SMYD3: variants seen among roughly 807,000 people sequenced by gnomAD.
The protein encoded by SMYD3 is histone-lysine N-methyltransferase SMYD3.
In SMYD3, 36 loss-of-function variants were observed where a neutral mutation model predicts 57.7. The observed-to-expected ratio is 0.62, with a 90% CI of 0.48 to 0.82. The LOEUF (loss-of-function observed/expected upper bound fraction) is 0.82, where lower values mean the gene tolerates loss of function less well. SMYD3 is among the 40% of genes least tolerant of loss of function. SMYD3 has a pLI of 0.00. For synonymous variants in SMYD3, 211 were observed against 195.0 expected (o/e 1.08, Z -0.68); for missense variants, 515 against 538.8 (o/e 0.96, Z 0.44).
chr1:246,090,522 C>CTT lies in SMYD3; in HGVS notation c.532-160587_532-160586dup, dbSNP rs539563212. Among the ~76,000 whole-genome samples, 143 of 142,794 alleles carry CTT rather than the reference C, an allele frequency of 1.0e-3. 2 individuals are homozygous for CTT. The highest frequency in any genetic ancestry group is 2.9e-3 in the African/African-American group (112 of 38,954). 93.7% of individuals were successfully genotyped at this position (142,794 alleles called of 152,430 possible). ...GAGAGCTGTTTTTCTTTCTCTCTCTCTTTTTTTTTTTTTTAGATGGAGTCT... is the reference window on the plus strand; with the variant it reads ...GAGAGCTGTTTTTCTTTCTCTCTCTCTTTTTTTTTTTTTTTTAGATGGAGTCT... On this transcript the variant is annotated intron_variant, in intron 5 of 11. Transcript: ENST00000490107.
chr1:245,963,572 G>A (rs1441082468), intron 5 of SMYD3, among the ~76,000 whole-genome samples: 1 of 151,610 alleles, frequency 6.6e-6, no homozygotes, highest in Non-Finnish European at 1.5e-5. Flanking sequence ...GCCTCGCAGT[G>A]AGTATCAGAG....
At chr1:246,331,437 A>G (rs541218694) in intron 3 of SMYD3, among the ~76,000 whole-genome samples, 1 of 152,354 alleles carries the variant, frequency 6.6e-6, no homozygotes, top group African/African-American at 2.4e-5. Flanking sequence ...AGGCAATGTA[A>G]CAGAGATTAC....
At chr1:245,955,965 T>C (rs747006316) in intron 5 of SMYD3, 1 of 985,304 alleles carries the variant, frequency 1.0e-6, no homozygotes, top group Non-Finnish European at 1.2e-6. Context: ...GACCTCTTGA[T>C]GTGTCTTCTA....
chr1:246,095,964 C>T (rs955182779), intron 5 of SMYD3, among the ~76,000 whole-genome samples: 6 of 152,220 alleles, frequency 3.9e-5, no homozygotes, highest in African/African-American at 1.4e-4. Context: ...ATTACTAAAA[C>T]TCCCTTGAAA....
At chr1:246,493,489 G>C (rs1280391917) in intron 1 of SMYD3, among the ~76,000 whole-genome samples, 1 of 152,106 alleles carries the variant, frequency 6.6e-6, no homozygotes, top group Non-Finnish European at 1.5e-5. Context: ...GTAAAAACTA[G>C]GCCAAAAAGG....
intron 5 of SMYD3, among the ~76,000 whole-genome samples, chr1:246,025,423 T>G (rs1203470010): frequency 6.6e-6 from 1 of 152,188 alleles, no homozygotes; most frequent in South Asian, 2.1e-4. Flanking sequence ...TCCACCCAAA[T>G]GTGTCCCAAA....
chr1:246,467,004 C>T (rs2067892000), intron 1 of SMYD3, among the ~76,000 whole-genome samples: 1 of 147,332 alleles, frequency 6.8e-6, no homozygotes, highest in Non-Finnish European at 1.5e-5. Context: ...CTCATCTCTA[C>T]TAAAAAGACA....
chr1:245,982,247 G>A (rs1283197710), intron 5 of SMYD3, among the ~76,000 whole-genome samples: 2 of 152,144 alleles, frequency 1.3e-5, no homozygotes, highest in Non-Finnish European at 2.9e-5. Flanking sequence ...TGATCCTCTG[G>A]TCTCAGCCTC....
chr1:246,008,512 T>C (rs1296594895), intron 5 of SMYD3, among the ~76,000 whole-genome samples: 1 of 152,216 alleles, frequency 6.6e-6, no homozygotes. Flanking sequence ...TCGGCTGGGA[T>C]CCTGGAGGGC....
intron 5 of SMYD3, among the ~76,000 whole-genome samples, chr1:246,089,288 T>C (rs1224030578): frequency 6.6e-6 from 1 of 152,188 alleles, no homozygotes; most frequent in Admixed American, 6.5e-5. Flanking sequence ...CACTCGACCC[T>C]ACTTTTAGAA....
intron 5 of SMYD3, among the ~76,000 whole-genome samples, chr1:245,954,402 T>G (rs1275304619): frequency 6.6e-6 from 1 of 152,202 alleles, no homozygotes; most frequent in East Asian, 1.9e-4. Flanking sequence ...CCAGGTGTGG[T>G]GGCTCACACA....
chr1:246,002,599 CCCG>C, intron 5 of SMYD3, among the ~76,000 whole-genome samples: 2 of 131,738 alleles, frequency 1.5e-5, no homozygotes, highest in African/African-American at 5.5e-5. Context: ...ATTACAGGCG[CCCG>C]CCACCACGCC....
chr1:246,190,615 A>AT (rs2062721704), intron 5 of SMYD3, among the ~76,000 whole-genome samples: 1 of 149,424 alleles, frequency 6.7e-6, no homozygotes, highest in Non-Finnish European at 1.5e-5. Flanking sequence ...AAAAGGAAGC[A>AT]TGGGAAGTAG....
chr1:246,036,545 TTTTTTTTTG>T (rs2059775853), intron 5 of SMYD3, among the ~76,000 whole-genome samples: 1 of 151,068 alleles, frequency 6.6e-6, no homozygotes, highest in African/African-American at 2.4e-5. Context: ...CTCTCTTTTT[TTTTTTTTTG>T]TTTTGTTTTG....
At chr1:245,970,634 TG>T (rs2058275239) in intron 5 of SMYD3, among the ~76,000 whole-genome samples, 1 of 151,936 alleles carries the variant, frequency 6.6e-6, no homozygotes, top group Non-Finnish European at 1.5e-5. Context: ...CATCAGAAAG[TG>T]AGTGAAGGAT....
chr1:246,410,744 G>A (rs1247283898), intron 1 of SMYD3, among the ~76,000 whole-genome samples: 2 of 152,138 alleles, frequency 1.3e-5, no homozygotes, highest in Non-Finnish European at 2.9e-5. Flanking sequence ...CAGAAGGAAT[G>A]GTACCAGCTC....
chr1:246,144,323 T>C (rs1414615496), intron 5 of SMYD3, among the ~76,000 whole-genome samples: 1 of 152,246 alleles, frequency 6.6e-6, no homozygotes, highest in African/African-American at 2.4e-5. Context: ...AATGTGTTTT[T>C]GGTATTCGAA....
At chr1:246,072,278 C>G (rs866396919) in intron 5 of SMYD3, among the ~76,000 whole-genome samples, 4 of 139,892 alleles carry the variant, frequency 2.9e-5, no homozygotes, top group African/African-American at 5.1e-5. Flanking sequence ...ACTGTGCTCA[C>G]TGTGGATGCA....
At chr1:245,908,448 A>G (rs1170470066) in intron 8 of SMYD3, among the ~76,000 whole-genome samples, 1 of 152,246 alleles carries the variant, frequency 6.6e-6, no homozygotes, top group Non-Finnish European at 1.5e-5. Context: ...GAAAATCTAC[A>G]GAAAAATATC....
Sources: allele counts gnomAD v4.1 joint callset (sites outside exome capture counted in the v4.1 genomes callset), GRCh38; gene constraint gnomAD v4.1.1; transcripts MANE v1.5; gene names NCBI Gene and HGNC (gene_info 2026-07-23, HGNC 2026-07-21).